Variants in CSNK1G1 observed in about 807,000 individuals in gnomAD.
CSNK1G1 encodes the protein casein kinase 1 gamma 1.
Under a neutral mutation model 59.6 loss-of-function variants are expected in CSNK1G1, and 22 were observed. The ratio of observed to expected loss-of-function variants is 0.37; its 90% CI spans 0.26 to 0.53. The LOEUF (loss-of-function observed/expected upper bound fraction) is 0.53, where lower values mean the gene tolerates loss of function less well. Ranked by LOEUF, CSNK1G1 falls within the 20% of genes least tolerant of loss-of-function variation. The pLI, the probability that CSNK1G1 is intolerant of heterozygous loss-of-function variation, is 0.89. For synonymous variants in CSNK1G1, 179 were observed against 177.1 expected (o/e 1.01, Z -0.08); for missense variants, 384 against 519.5 (o/e 0.74, Z 2.54).
In CSNK1G1 at chr15:64,308,314, G is replaced by C. The variant is rs570552628; in HGVS notation, c.-224-7591C>G. Among the ~76,000 whole-genome samples, 16 of 152,010 alleles carry C rather than the reference G, an allele frequency of 1.1e-4. No individual in the cohort carries two copies. In the South Asian group the frequency reaches 3.3e-3, roughly 32 times the overall value. On this transcript the variant is annotated intron_variant, in intron 1 of 11. Transcript: ENST00000303052. ...AGGTCTCACTATATTGCCCAGGTTG[G>C]TCTCAAACTCCTGGGTTCAAGAGAT...
At chr15:64,355,487 T>C (rs564950463) in intron 1 of CSNK1G1, among the ~76,000 whole-genome samples, 1 of 152,306 alleles carries the variant, frequency 6.6e-6, no homozygotes, top group South Asian at 2.1e-4. Flanking sequence ...AAAGTCTCAT[T>C]ACCCACTCTT....
At chr15:64,189,816 T>C (rs1049075479) in intron 10 of CSNK1G1, among the ~76,000 whole-genome samples, 1 of 98,976 alleles carries the variant, frequency 1.0e-5, no homozygotes, top group South Asian at 3.3e-4. Flanking sequence ...TACAATTTAC[T>C]TTTTTTTTTT....
intron 4 of CSNK1G1, among the ~76,000 whole-genome samples, chr15:64,233,658 G>A (rs1033563910): frequency 5.3e-5 from 8 of 152,142 alleles, no homozygotes; most frequent in African/African-American, 1.7e-4. Flanking sequence ...TGGAAAATTC[G>A]TCCTGGTCCA....
intron 1 of CSNK1G1, among the ~76,000 whole-genome samples, chr15:64,318,766 G>C (rs1201462655): frequency 2.0e-5 from 3 of 151,154 alleles, no homozygotes; most frequent in Non-Finnish European, 4.4e-5. Context: ...ACATGCTAAC[G>C]AGCCTGGCTA....
intron 2 of CSNK1G1, among the ~76,000 whole-genome samples, chr15:64,281,564 G>A (rs945186100): frequency 3.9e-5 from 6 of 152,170 alleles, no homozygotes; most frequent in Non-Finnish European, 8.8e-5. Context: ...TAGGCTGGGG[G>A]CGGTGGCTCA....
chr15:64,277,940 T>C (rs923274050), intron 2 of CSNK1G1, among the ~76,000 whole-genome samples: 2 of 144,692 alleles, frequency 1.4e-5, no homozygotes, highest in Non-Finnish European at 3.0e-5. Flanking sequence ...TTTAATAATA[T>C]ATTAATATTG....
Position 64,166,073 on chromosome 15 carries a change from T to G in CSNK1G1, c.*5858A>C. The G allele has an allele frequency of 1.6e-6, 1 of 627,912 alleles. No individual in the cohort carries two copies. 38.9% of individuals were successfully genotyped at this position (627,912 alleles called of 1,614,324 possible). A position where few individuals can be genotyped will look rare whatever the true frequency, so the allele number is the denominator to read the frequency against. On this transcript the variant is annotated 3_prime_UTR_variant, in exon 12 of 12. Coordinates refer to ENST00000303052, the MANE Select transcript of CSNK1G1 (RefSeq NM_022048.5). This position sits in a 1 kb window ranked among gnomAD's most constrained non-coding sequence, Gnocchi z 4.5. The stretch of plus-strand genomic sequence containing the variant: ...GACCAGTGCCAGGGTTTATGAAACA[T>G]TATACATCTAAAAAAAAAAAAAGTA...
chr15:64,216,085 G>A lies in CSNK1G1; in HGVS notation c.444+477C>T, dbSNP rs2082308116. Among the ~76,000 whole-genome samples, 1 of 150,986 alleles carries A rather than the reference G, an allele frequency of 6.6e-6. No homozygotes were observed. The highest frequency in any genetic ancestry group is 1.5e-5 in the Non-Finnish European group (1 of 67,806). On this transcript the variant is annotated intron_variant, in intron 5 of 11. Coordinates refer to ENST00000303052, the MANE Select transcript of CSNK1G1 (RefSeq NM_022048.5). The surrounding 1 kb of genome is among the most constrained non-coding windows in gnomAD (Gnocchi z 4.6). ...CCAAAACACTTTTTTTTTTTTAAAT[G>A]AGCTGGCATGGCACCTGCAGTCCTA...
chr15:64,248,451 C>T (rs1242847997), intron 4 of CSNK1G1, among the ~76,000 whole-genome samples: 1 of 152,088 alleles, frequency 6.6e-6, no homozygotes, highest in African/African-American at 2.4e-5. Context: ...TACTTGCTGA[C>T]TGCTATGTGA....
rs1200402729 is a variant in CSNK1G1, at chr15:64,216,646, G to C, written c.360C>G (p.Leu120=). The stretch of plus-strand genomic sequence containing the variant: ...ACAAGTCCTCCAAGCTAGGGCCAAG[G>C]AGCTCCAGCACCATGGCATTATATT... ...CGKYNAMVLE[L]LGPSLEDLFD... The change falls in exon 5 of 12, where the codon CTC becomes CTG. Residue 120 remains leucine (L), a synonymous_variant. Coordinates refer to ENST00000303052, the MANE Select transcript of CSNK1G1 (RefSeq NM_022048.5). The surrounding 1 kb of genome is among the most constrained non-coding windows in gnomAD (Gnocchi z 4.6). 6.2e-7 allele frequency: 1 copy of C among 1,613,938 alleles called. No individual in the cohort carries two copies. The highest frequency in any genetic ancestry group is 1.7e-5 in the Admixed American group (1 of 60,012).
rs758783786 is a variant in CSNK1G1, at chr15:64,169,562, C to T, written c.*2369G>A. 2.0e-5 allele frequency: 3 copies of T among 152,200 alleles called. No homozygotes were observed. Among genetic ancestry groups the T allele is most frequent in the Non-Finnish European group, 4.4e-5 (3 of 68,064 alleles). The allele number at this position is 152,200 out of a possible 1,614,324, so 9.4% of individuals were successfully genotyped here. A position where few individuals can be genotyped will look rare whatever the true frequency, so the allele number is the denominator to read the frequency against. ...CTCTGCCCTCTCTTGAGAGGCAAGG[C>T]ATTTTCTATACAGGGGTGAGGAAAA... On this transcript the variant is annotated 3_prime_UTR_variant, in exon 12 of 12. Coordinates refer to ENST00000303052, the MANE Select transcript of CSNK1G1 (RefSeq NM_022048.5).
chr15:64,182,067 T>G (rs1220757409), intron 10 of CSNK1G1, among the ~76,000 whole-genome samples: 11 of 139,380 alleles, frequency 7.9e-5, no homozygotes, highest in African/African-American at 2.8e-4. Context: ...TTTTTTTTTT[T>G]TTTTTTTTTT....
intron 1 of CSNK1G1, among the ~76,000 whole-genome samples, chr15:64,322,450 G>A (rs566675056): frequency 4.6e-5 from 7 of 151,530 alleles, no homozygotes; most frequent in East Asian, 2.0e-4. Context: ...CAATCCTCCC[G>A]CCTTGACTTC....
chr15:64,310,502 G>A (rs991959535), intron 1 of CSNK1G1, among the ~76,000 whole-genome samples: 1 of 151,456 alleles, frequency 6.6e-6, no homozygotes, highest in African/African-American at 2.4e-5. Flanking sequence ...GACTGCTTGA[G>A]CCCAGGAGTT....
chr15:64,322,182 T>C (rs1364132648), intron 1 of CSNK1G1, among the ~76,000 whole-genome samples: 1 of 152,206 alleles, frequency 6.6e-6, no homozygotes, highest in African/African-American at 2.4e-5. Flanking sequence ...TTATTGTAAC[T>C]TGAATCCTCC....
intron 1 of CSNK1G1, among the ~76,000 whole-genome samples, chr15:64,342,942 A>C (rs1897751008): frequency 6.6e-6 from 1 of 152,110 alleles, no homozygotes; most frequent in Non-Finnish European, 1.5e-5. Flanking sequence ...ATTTATAATA[A>C]ATTTCCAGGA....
intron 1 of CSNK1G1, among the ~76,000 whole-genome samples, chr15:64,317,581 T>C (rs1896342615): frequency 6.6e-6 from 1 of 152,068 alleles, no homozygotes; most frequent in African/African-American, 2.4e-5. Context: ...TTTTTACTTA[T>C]TTGTTTTCAA....
chr15:64,282,880 G>A (rs1415980011), intron 2 of CSNK1G1, among the ~76,000 whole-genome samples: 1 of 152,180 alleles, frequency 6.6e-6, no homozygotes, highest in Non-Finnish European at 1.5e-5. Flanking sequence ...GTTTTGATAT[G>A]CATTTCCCCA....
At chr15:64,226,555 AAAAC>A (rs141730302) in intron 4 of CSNK1G1, among the ~76,000 whole-genome samples, 225 of 148,412 alleles carry the variant, frequency 1.5e-3, no homozygotes, top group Non-Finnish European at 2.0e-3. Context: ...ATTCCGTCTC[AAAAC>A]AAACAAACAA....
Sources: allele counts gnomAD v4.1 joint callset (sites outside exome capture counted in the v4.1 genomes callset), GRCh38; gene constraint gnomAD v4.1.1; non-coding constraint Gnocchi (gnomAD v3.1); transcripts MANE v1.5; gene names NCBI Gene and HGNC (gene_info 2026-07-23, HGNC 2026-07-21).